The following DLGAP1 variants were observed in gnomAD, a reference collection of about 807,000 sequenced individuals.
DLGAP1 encodes DLG associated protein 1.
Under a neutral mutation model 90.8 loss-of-function variants are expected in DLGAP1, and 11 were observed. That is an observed-to-expected ratio of 0.12 (90% confidence interval 0.08 to 0.20). DLGAP1 has a LOEUF of 0.20. Among genes scored for constraint, DLGAP1 ranks in the 10% least tolerant of loss-of-function variants. The pLI is 1.00. For synonymous variants in DLGAP1, 558 were observed against 540.7 expected (o/e 1.03, Z -0.44); for missense variants, 1,050 against 1,333.8 (o/e 0.79, Z 3.31).
At chr18:4,041,801 T>C (rs1382245500) in intron 2 of DLGAP1, among the ~76,000 whole-genome samples, 1 of 152,206 alleles carries the variant, frequency 6.6e-6, no homozygotes, top group Non-Finnish European at 1.5e-5. Context: ...TTCATCTCTG[T>C]TAGGGATTTA....
chr18:4,161,916 C>T (rs764748270), intron 1 of DLGAP1, among the ~76,000 whole-genome samples: 12 of 152,130 alleles, frequency 7.9e-5, no homozygotes, highest in Non-Finnish European at 1.6e-4. Flanking sequence ...ACAGTAAATT[C>T]ATAGCAAGCT....
chr18:4,135,775 T>C lies in DLGAP1; in HGVS notation c.-159+15405A>G, dbSNP rs80240255. ...CCAGTTCTATCCATGTTGTTGTAAATGAGAGAATCTGATTCTTTTTTTTTT... is the reference window on the plus strand; with the variant it reads ...CCAGTTCTATCCATGTTGTTGTAAACGAGAGAATCTGATTCTTTTTTTTTT... On this transcript the variant is annotated intron_variant, in intron 2 of 12. Transcript: ENST00000315677. Among the ~76,000 whole-genome samples the C allele has an allele frequency of 4.1e-5, 6 of 147,264 alleles. No homozygotes were observed. In the East Asian group the frequency reaches 9.9e-4, roughly 24 times the overall value.
At chr18:3,598,043 TTAGTGCTTAA>T (rs990601329) in intron 7 of DLGAP1, 1 of 152,272 alleles carries the variant, frequency 6.6e-6, no homozygotes, top group Non-Finnish European at 1.5e-5. Flanking sequence ...GATAACAGGG[TTAGTGCTTAA>T]AAAAATTATG....
At chr18:3,574,323 T>C (rs567318790) in intron 8 of DLGAP1, among the ~76,000 whole-genome samples, 4 of 152,372 alleles carry the variant, frequency 2.6e-5, no homozygotes, top group Admixed American at 1.3e-4. Context: ...TTGTAATATT[T>C]CTTCCTTAAT....
chr18:3,823,215 C>T (rs573986069), intron 4 of DLGAP1, among the ~76,000 whole-genome samples: 18 of 152,278 alleles, frequency 1.2e-4, no homozygotes, highest in African/African-American at 4.3e-4. Flanking sequence ...CACTTCCTGG[C>T]TTCATTGCTT....
chr18:4,412,567 G>C lies in DLGAP1; in HGVS notation c.-267+42439C>G, dbSNP rs980623129. Among the ~76,000 whole-genome samples the C allele has an allele frequency of 1.4e-4, 21 of 152,124 alleles. 1 individual carries two copies. The highest frequency in any genetic ancestry group is 4.3e-4 in the African/African-American group (18 of 41,436). On this transcript the variant is annotated intron_variant, in intron 1 of 12. Coordinates refer to ENST00000315677, the MANE Select transcript of DLGAP1 (RefSeq NM_004746.4). The stretch of plus-strand genomic sequence containing the variant: ...CTAGAGCTGAGAGGATGGGTTCAGG[G>C]TCTAGGACCAAGTATGGAGAAACAT...
chr18:3,756,852 A>T (rs984393713), intron 5 of DLGAP1, among the ~76,000 whole-genome samples: 6 of 152,060 alleles, frequency 3.9e-5, no homozygotes, highest in Admixed American at 6.5e-5. Context: ...AAAAAATTCT[A>T]AAAAAACCCC....
intron 5 of DLGAP1, among the ~76,000 whole-genome samples, chr18:3,779,947 G>A (rs1285284323): frequency 3.9e-5 from 6 of 151,930 alleles, no homozygotes; most frequent in African/African-American, 4.8e-5. Flanking sequence ...ACCACGTCCA[G>A]CTAATTTTTG....
rs2074083367 is a variant in DLGAP1 at position 3,996,945 on chromosome 18, T to G, written c.-73+8171A>C. Among the ~76,000 whole-genome samples the G allele has an allele frequency of 3.3e-5, 5 of 151,964 alleles. No homozygotes were observed. In the South Asian group the frequency reaches 1.0e-3, roughly 31 times the overall value. The stretch of plus-strand genomic sequence containing the variant: ...TTGATGTTTAGGACTACACTACACA[T>G]TAATTACAGTGCTCATGTTTATAAA... On this transcript the variant is annotated intron_variant, in intron 3 of 12. Transcript: ENST00000315677.
chr18:3,840,618 A>C (rs2068659684), intron 4 of DLGAP1, among the ~76,000 whole-genome samples: 1 of 152,216 alleles, frequency 6.6e-6, no homozygotes, highest in Admixed American at 6.5e-5. Context: ...TAACATCCTC[A>C]GTTTCCTGAG....
chr18:3,586,714 A>G (rs181434005), intron 7 of DLGAP1, among the ~76,000 whole-genome samples: 1 of 152,256 alleles, frequency 6.6e-6, no homozygotes, highest in African/African-American at 2.4e-5. Context: ...ATTCTTCTGC[A>G]CTCCAAAACT....
chr18:4,018,412 TG>T (rs2074557051), intron 2 of DLGAP1, among the ~76,000 whole-genome samples: 2 of 152,226 alleles, frequency 1.3e-5, no homozygotes, highest in Admixed American at 6.5e-5. Flanking sequence ...CAGCTCCCTT[TG>T]GCCAAAGGCA....
intron 4 of DLGAP1, among the ~76,000 whole-genome samples, chr18:3,833,670 A>G (rs190212571): frequency 5.4e-4 from 83 of 152,346 alleles, no homozygotes; most frequent in African/African-American, 1.9e-3. Flanking sequence ...AGCACGTGTG[A>G]TCAATGAAAA....
At chr18:4,079,715 A>T (rs1598362156) in intron 2 of DLGAP1, among the ~76,000 whole-genome samples, 1 of 147,704 alleles carries the variant, frequency 6.8e-6, no homozygotes. Flanking sequence ...TATATATATA[A>T]AAGAAAATCA....
chr18:3,863,581 T>C (rs4798137), intron 4 of DLGAP1, among the ~76,000 whole-genome samples: 83,499 of 152,174 alleles, frequency 0.55, 25,580 homozygotes, highest in Admixed American at 0.69. Context: ...CTAAATTCTC[T>C]GGGTGCACAG....
chr18:4,009,160 C>A (rs1328104473), intron 2 of DLGAP1, among the ~76,000 whole-genome samples: 7 of 152,184 alleles, frequency 4.6e-5, no homozygotes, highest in Non-Finnish European at 7.3e-5. Context: ...GCCTCGGCCT[C>A]CCGAAGTGCT....
intron 10 of DLGAP1, among the ~76,000 whole-genome samples, chr18:3,527,871 G>A (rs1023584662): frequency 2.0e-5 from 3 of 152,164 alleles, no homozygotes; most frequent in African/African-American, 7.2e-5. Context: ...GGGATTACAG[G>A]CAGGAGCCAC....
intron 7 of DLGAP1, among the ~76,000 whole-genome samples, chr18:3,646,863 T>G (rs929376752): frequency 1.3e-5 from 2 of 152,056 alleles, no homozygotes; most frequent in African/African-American, 2.4e-5. Flanking sequence ...AGGCGGAGCT[T>G]GCAGTGAGCC....
At chr18:4,000,897 T>C (rs2074170826) in intron 3 of DLGAP1, among the ~76,000 whole-genome samples, 1 of 152,254 alleles carries the variant, frequency 6.6e-6, no homozygotes, top group African/African-American at 2.4e-5. Context: ...TGTAGTGCAT[T>C]CTGGGCCAGT....
Sources: gnomAD v4.1 joint callset for allele counts (sites outside exome capture counted in the v4.1 genomes callset) on GRCh38, gnomAD v4.1.1 for gene constraint, MANE v1.5 for transcripts, NCBI Gene and HGNC (gene_info 2026-07-23, HGNC 2026-07-21) for gene names.